Variants in PPARGC1B observed in about 807,000 individuals in gnomAD.
PPARGC1B encodes PPARG coactivator 1 beta, also known as peroxisome proliferator-activated receptor gamma coactivator 1-beta.
Under a neutral mutation model 101.6 loss-of-function variants are expected in PPARGC1B, and 34 were observed. The ratio of observed to expected loss-of-function variants is 0.33; its 90% CI spans 0.25 to 0.45. PPARGC1B has a LOEUF of 0.45. Among genes scored for constraint, PPARGC1B ranks in the 20% least tolerant of loss-of-function variants. The pLI, the probability that PPARGC1B is intolerant of heterozygous loss-of-function variation, is 1.00. For missense variants in PPARGC1B, 1,234 were observed against 1,317.6 expected (o/e 0.94, Z 0.98); for synonymous variants, 548 against 539.3 (o/e 1.02, Z -0.22).
chr5:149,818,754 TATTATC>T, intron 1 of PPARGC1B: 1 of 450,232 alleles, frequency 2.2e-6, no homozygotes, highest in South Asian at 1.6e-5. Flanking sequence ...TTATCATTAT[TATTATC>T]ATTATTTGTT....
In PPARGC1B at chr5:149,849,241, A is replaced by C. The variant is rs964195314; in HGVS notation, c.*1683A>C. 6.6e-6 allele frequency: 1 copy of C among 152,216 alleles called. No homozygotes were observed. The highest frequency in any genetic ancestry group is 1.5e-5 in the Non-Finnish European group (1 of 68,032). 9.4% of individuals were successfully genotyped at this position (152,216 alleles called of 1,614,324 possible). On this transcript the variant is annotated 3_prime_UTR_variant, in exon 12 of 12. Coordinates refer to ENST00000309241, the MANE Select transcript of PPARGC1B (RefSeq NM_133263.4). ...GATTATCAAATACCTCAGTAGGTAA[A>C]ATGAGCCCATGATCTTCCACTGAGT...
At chr5:149,735,578 A>G (rs948143950) in intron 1 of PPARGC1B, among the ~76,000 whole-genome samples, 1 of 152,174 alleles carries the variant, frequency 6.6e-6, no homozygotes, top group African/African-American at 2.4e-5. Flanking sequence ...TGTTTGCACT[A>G]CTACATTTCA....
At position 149,845,901 on chromosome 5, in the gene PPARGC1B, A is replaced by G; in HGVS notation, c.2958A>G (p.Arg986=). 6.2e-7 allele frequency: 1 copy of G among 1,614,196 alleles called. No homozygotes were observed. ...YGGLRHFCWP[R]YTDYDSNSEE... ...GGCTCCGGCACTTCTGCTGGCCCAGATACACTGACTACGGTAAGCCCCTGA... is the reference window on the plus strand; with the variant it reads ...GGCTCCGGCACTTCTGCTGGCCCAGGTACACTGACTACGGTAAGCCCCTGA... The change falls in exon 11 of 12, where the codon AGA becomes AGG. Residue 986 remains arginine, a synonymous_variant. Transcript: ENST00000309241.
At chr5:149,747,738 G>T (rs1755141482) in intron 1 of PPARGC1B, among the ~76,000 whole-genome samples, 1 of 152,160 alleles carries the variant, frequency 6.6e-6, no homozygotes, top group Non-Finnish European at 1.5e-5. Context: ...GTACTTTCTG[G>T]TCCAGCCCCA....
intron 1 of PPARGC1B, among the ~76,000 whole-genome samples, chr5:149,812,013 C>T (rs140784138): frequency 1.7e-4 from 26 of 152,340 alleles, no homozygotes; most frequent in Admixed American, 4.6e-4. Context: ...CCTGTGGGGT[C>T]GCCTTACTCC....
chr5:149,734,471 A>G (rs1243665432), intron 1 of PPARGC1B, among the ~76,000 whole-genome samples: 1 of 151,192 alleles, frequency 6.6e-6, no homozygotes, highest in Non-Finnish European at 1.5e-5. Flanking sequence ...TCTACTTAGT[A>G]TCTTAATGAT....
At chr5:149,764,991 T>C (rs113239234) in intron 1 of PPARGC1B, among the ~76,000 whole-genome samples, 27 of 147,198 alleles carry the variant, frequency 1.8e-4, no homozygotes, top group South Asian at 1.3e-3. Context: ...TTCTCAAGAA[T>C]AGTGCAGAGA....
intron 1 of PPARGC1B, among the ~76,000 whole-genome samples, chr5:149,754,876 G>C (rs1018724031): frequency 6.8e-6 from 1 of 147,482 alleles, no homozygotes; most frequent in African/African-American, 2.5e-5. Context: ...CTGCCTCCCG[G>C]GTTCAAGCAA....
chr5:149,830,213 A>G (rs1758722897), intron 3 of PPARGC1B, among the ~76,000 whole-genome samples: 1 of 151,704 alleles, frequency 6.6e-6, no homozygotes, highest in Non-Finnish European at 1.5e-5. Flanking sequence ...CTTGCTTTTA[A>G]TTGTCTGCCC....
intron 1 of PPARGC1B, among the ~76,000 whole-genome samples, chr5:149,797,766 T>C (rs1174140373): frequency 1.3e-5 from 2 of 151,962 alleles, no homozygotes; most frequent in Non-Finnish European, 2.9e-5. Flanking sequence ...ACTAAAAATA[T>C]AAAAATTAGC....
chr5:149,745,313 G>A (rs892100664), intron 1 of PPARGC1B, among the ~76,000 whole-genome samples: 7 of 152,174 alleles, frequency 4.6e-5, no homozygotes, highest in African/African-American at 1.7e-4. Flanking sequence ...AGGCTTGGTA[G>A]AACTAATCAG....
At chr5:149,732,585 C>CT (rs953372476) in intron 1 of PPARGC1B, among the ~76,000 whole-genome samples, 6 of 152,184 alleles carry the variant, frequency 3.9e-5, no homozygotes, top group Non-Finnish European at 7.4e-5. Flanking sequence ...GGGACATTTG[C>CT]TTTTTTTATT....
chr5:149,813,477 G>T (rs1390302813), intron 1 of PPARGC1B, among the ~76,000 whole-genome samples: 2 of 152,142 alleles, frequency 1.3e-5, no homozygotes, highest in African/African-American at 4.8e-5. Context: ...GATGACACTG[G>T]GATTAGGTGG....
intron 1 of PPARGC1B, among the ~76,000 whole-genome samples, chr5:149,766,358 C>A (rs1442792599): frequency 6.6e-6 from 1 of 152,130 alleles, no homozygotes; most frequent in Non-Finnish European, 1.5e-5. Context: ...TTAAAGGTAT[C>A]GCTTATTAAG....
At chr5:149,732,358 A>G (rs1376159988) in intron 1 of PPARGC1B, among the ~76,000 whole-genome samples, 1 of 152,166 alleles carries the variant, frequency 6.6e-6, no homozygotes, top group Non-Finnish European at 1.5e-5. Flanking sequence ...AGAGGCCTGA[A>G]ATAGCCGGAG....
chr5:149,837,160 T>C lies in PPARGC1B; in HGVS notation c.2618+87T>C. On this transcript the variant is annotated intron_variant, in intron 8 of 11. Transcript: ENST00000309241. This position sits in a 1 kb window ranked among gnomAD's most constrained non-coding sequence, Gnocchi z 4.2. ...CAGGAGCCCCAGGAGGGAGGATCCC[T>C]GGGAAGCTTGCTCTGAAACTGAGGC... The C allele has an allele frequency of 4.6e-6, 7 of 1,509,178 alleles. No individual in the cohort carries two copies. Among genetic ancestry groups the C allele is most frequent in the Admixed American group, 2.2e-5 (1 of 44,484 alleles). 93.5% of individuals were successfully genotyped at this position (1,509,178 alleles called of 1,614,324 possible).
chr5:149,856,735 GCTGGGGTT>G (rs141276029), downstream of PPARGC1B, among the ~76,000 whole-genome samples: 2 of 150,578 alleles, frequency 1.3e-5, no homozygotes, highest in Non-Finnish European at 2.9e-5. Context: ...ATGCTTACAA[GCTGGGGTT>G]CTGGGGTTCT....
intron 1 of PPARGC1B, among the ~76,000 whole-genome samples, chr5:149,731,784 C>T (rs1754483656): frequency 6.6e-6 from 1 of 152,200 alleles, no homozygotes; most frequent in East Asian, 1.9e-4. Context: ...GCAGCCGAGA[C>T]GTTCAGCTCC....
At chr5:149,754,721 C>T (rs1755440183) in intron 1 of PPARGC1B, among the ~76,000 whole-genome samples, 1 of 148,852 alleles carries the variant, frequency 6.7e-6, no homozygotes, top group Admixed American at 6.7e-5. Context: ...ATTTGTCTTG[C>T]TATATATAGT....
Sources: allele counts gnomAD v4.1 joint callset (sites outside exome capture counted in the v4.1 genomes callset), GRCh38; gene constraint gnomAD v4.1.1; non-coding constraint Gnocchi (gnomAD v3.1); transcripts MANE v1.5; gene names NCBI Gene and HGNC (gene_info 2026-07-23, HGNC 2026-07-21).